VPS13B: variants seen among roughly 807,000 people sequenced by gnomAD.
The protein encoded by VPS13B is intermembrane lipid transfer protein VPS13B.
VPS13B carries 285 observed loss-of-function variants against 426.4 expected under a neutral mutation model. The ratio of observed to expected loss-of-function variants is 0.67; its 90% CI spans 0.61 to 0.74. The LOEUF (loss-of-function observed/expected upper bound fraction) is 0.74. Among genes scored for constraint, VPS13B ranks in the 30% least tolerant of loss-of-function variants. The pLI, the probability that VPS13B is intolerant of heterozygous loss-of-function variation, is 0.00. For synonymous variants in VPS13B, 1,676 were observed against 1,676.4 expected (o/e 1.00, Z 0.01); for missense variants, 4,537 against 4,782.6 (o/e 0.95, Z 1.51).
chr8:99,298,227 G>A (rs978067937), intron 19 of VPS13B, among the ~76,000 whole-genome samples: 3 of 152,106 alleles, frequency 2.0e-5, no homozygotes, highest in African/African-American at 7.2e-5. Context: ...GGTGGCTTGC[G>A]CCTGTAATCC....
rs1829853081 is a variant in VPS13B at position 99,652,363 on chromosome 8, G to A, written c.5909-8991G>A. Reference sequence around the variant, plus strand: ...GCTATTAGGATTAAACAATGTATGCGAAGTTCTTAGCTAAGTGTATGGCAC... The same window carrying A: ...GCTATTAGGATTAAACAATGTATGCAAAGTTCTTAGCTAAGTGTATGGCAC... On this transcript the variant is annotated intron_variant, in intron 34 of 61. Transcript: ENST00000357162. Among the ~76,000 whole-genome samples, 6 of 152,174 alleles carry A rather than the reference G, an allele frequency of 3.9e-5. 1 individual carries two copies. In the South Asian group the frequency reaches 1.2e-3, roughly 32 times the overall value.
chr8:99,351,437 T>A (rs548812013), intron 19 of VPS13B, among the ~76,000 whole-genome samples: 99 of 150,246 alleles, frequency 6.6e-4, no homozygotes, highest in East Asian at 5.9e-3. Flanking sequence ...AGAGAGAGAG[T>A]GTGTGTGTGT....
chr8:99,703,654 G>A (rs186715026), intron 36 of VPS13B, among the ~76,000 whole-genome samples: 16 of 152,150 alleles, frequency 1.1e-4, no homozygotes, highest in South Asian at 8.3e-4. Context: ...TTTCCCTTAC[G>A]TGTATATACA....
intron 39 of VPS13B, among the ~76,000 whole-genome samples, chr8:99,754,747 T>C (rs1312409205): frequency 1.3e-5 from 2 of 152,206 alleles, no homozygotes; most frequent in Non-Finnish European, 2.9e-5. Flanking sequence ...CATCTTAACA[T>C]TGTATAAGTG....
intron 35 of VPS13B, among the ~76,000 whole-genome samples, chr8:99,689,834 T>C (rs1227356781): frequency 3.3e-5 from 5 of 152,136 alleles, no homozygotes; most frequent in African/African-American, 9.7e-5. Context: ...GGTTCAGCAG[T>C]TGGTTTATGT....
chr8:99,470,929 T>TAAA, intron 24 of VPS13B, among the ~76,000 whole-genome samples: 1 of 152,144 alleles, frequency 6.6e-6, no homozygotes, highest in East Asian at 1.9e-4. Context: ...AAAAGACACA[T>TAAA]TCCATATAAG....
Position 99,275,074 on chromosome 8 carries a change from T to G in VPS13B, c.2651-7T>G. On this transcript the variant is annotated splice_region_variant and splice_polypyrimidine_tract_variant and intron_variant, in intron 18 of 61. Transcript: ENST00000357162. ...TTTATTATTGTTTTATAAATATTTC[T>G]TTTCAGTTGATAGTGGAAAAGAGAA... The G allele has an allele frequency of 6.3e-7, 1 of 1,595,096 alleles. No individual in the cohort carries two copies. Among genetic ancestry groups the G allele is most frequent in the South Asian group, 1.2e-5 (1 of 86,096 alleles).
At chr8:99,044,153 G>A (rs1186219679) in intron 3 of VPS13B, among the ~76,000 whole-genome samples, 3 of 130,668 alleles carry the variant, frequency 2.3e-5, no homozygotes, top group Non-Finnish European at 4.6e-5. Context: ...GCGCGATCTC[G>A]GCTCACTGCA....
intron 33 of VPS13B, among the ~76,000 whole-genome samples, chr8:99,640,931 G>A (rs1032846878): frequency 2.6e-5 from 4 of 151,916 alleles, no homozygotes; most frequent in African/African-American, 9.7e-5. Flanking sequence ...GATTTTTTAT[G>A]GTTACCTTAA....
At chr8:99,255,981 G>T (rs1817725804) in intron 17 of VPS13B, among the ~76,000 whole-genome samples, 1 of 152,180 alleles carries the variant, frequency 6.6e-6, no homozygotes, top group Admixed American at 6.6e-5. Context: ...CTTCCCACTT[G>T]ATCTTTGCTG....
chr8:99,664,904 C>T (rs1474779764), intron 35 of VPS13B, among the ~76,000 whole-genome samples: 1 of 152,192 alleles, frequency 6.6e-6, no homozygotes, highest in Non-Finnish European at 1.5e-5. Context: ...CTGACTTCCA[C>T]AATGGTTTAA....
chr8:99,068,250 T>G (rs1426367539), intron 3 of VPS13B, among the ~76,000 whole-genome samples: 1 of 152,224 alleles, frequency 6.6e-6, no homozygotes, highest in Non-Finnish European at 1.5e-5. Context: ...ATTTTGTGCT[T>G]TTTTCTTCCC....
At chr8:99,241,225 A>G (rs949295622) in intron 17 of VPS13B, 3 of 152,236 alleles carry the variant, frequency 2.0e-5, no homozygotes. Context: ...CTTTTAAAAT[A>G]AAAGCTGCTA....
chr8:99,075,100 C>T (rs1406773568), intron 3 of VPS13B, among the ~76,000 whole-genome samples: 4 of 152,136 alleles, frequency 2.6e-5, no homozygotes, highest in African/African-American at 9.7e-5. Context: ...AAAGCCATTT[C>T]ATCCTGGGCT....
chr8:99,147,086 A>G (rs7011648), intron 13 of VPS13B, among the ~76,000 whole-genome samples: 26,360 of 151,890 alleles, frequency 0.17, 2,804 homozygotes, highest in East Asian at 0.38. Context: ...AAGGGGGAAC[A>G]AGACTATAAA....
Position 99,809,682 on chromosome 8 carries a change from A to C in VPS13B, c.8097+152A>C. On this transcript the variant is annotated intron_variant, in intron 44 of 61. Transcript: ENST00000357162. ...GTGAGCATTTAATAAATGCTTATCT[A>C]TGATCCTGACAATGATGATGGCTTC... The C allele has an allele frequency of 3.2e-6, 3 of 940,004 alleles. No homozygotes were observed. The East Asian group carries it at 8.0e-5, about 25-fold the overall frequency. 58.2% of individuals were successfully genotyped at this position (940,004 alleles called of 1,614,324 possible). A position where few individuals can be genotyped will look rare whatever the true frequency, so the allele number is the denominator to read the frequency against.
At chr8:99,439,256 G>C (rs1364515614) in intron 22 of VPS13B, among the ~76,000 whole-genome samples, 1 of 152,090 alleles carries the variant, frequency 6.6e-6, no homozygotes, top group Non-Finnish European at 1.5e-5. Flanking sequence ...TGAGTACATA[G>C]TACATGCACC....
intron 39 of VPS13B, among the ~76,000 whole-genome samples, chr8:99,733,216 A>G (rs1428364330): frequency 1.3e-5 from 2 of 152,224 alleles, no homozygotes; most frequent in Non-Finnish European, 2.9e-5. Flanking sequence ...TCCATTAAGC[A>G]TAGATCATTT....
At chr8:99,137,593 A>G (rs1386433116) in intron 12 of VPS13B, among the ~76,000 whole-genome samples, 3 of 151,836 alleles carry the variant, frequency 2.0e-5, no homozygotes, top group Non-Finnish European at 4.4e-5. Context: ...GTTGATCTTG[A>G]AGTAAATTTG....
Sources: allele counts gnomAD v4.1 joint callset (sites outside exome capture counted in the v4.1 genomes callset), GRCh38; gene constraint gnomAD v4.1.1; transcripts MANE v1.5; gene names NCBI Gene and HGNC (gene_info 2026-07-23, HGNC 2026-07-21).